ABCA13: variants seen among roughly 807,000 people sequenced by gnomAD.
ABCA13 encodes ATP binding cassette subfamily A member 13, also known as ATP-binding cassette sub-family A member 13.
A neutral mutation model predicts 478.7 loss-of-function variants in ABCA13; 476 were observed. The ratio of observed to expected loss-of-function variants is 0.99; its 90% CI spans 0.92 to 1.07. ABCA13 has a LOEUF of 1.07. Ranked by LOEUF, ABCA13 falls within the 50% of genes least tolerant of loss-of-function variation. ABCA13 has a pLI of 0.00. For missense variants in ABCA13, 6,060 were observed against 5,910.6 expected (o/e 1.03, Z -0.83); for synonymous variants, 2,252 against 2,158.9 (o/e 1.04, Z -1.20).
chr7:48,219,461 C>CA lies in ABCA13; in HGVS notation c.401dup (p.Asn134LysfsTer28). 6.2e-7 allele frequency: 1 copy of CA among 1,612,670 alleles called. No individual in the cohort carries two copies. Among genetic ancestry groups the CA allele is most frequent in the Non-Finnish European group, 8.5e-7 (1 of 1,179,476 alleles). On this transcript the variant is annotated frameshift_variant, in exon 4 of 62. Transcript: ENST00000435803. LOFTEE classifies it high-confidence loss of function. ...GAAATTCATGGAATGATGGACAAGG[C>CA]AAAAAACTTAAAAAGACTTTGGGTA...
intron 55 of ABCA13, among the ~76,000 whole-genome samples, chr7:48,551,868 C>A (rs917918500): frequency 1.3e-5 from 2 of 151,768 alleles, no homozygotes; most frequent in Non-Finnish European, 2.9e-5. Context: ...CATTTTCTCA[C>A]CAGACTCTGG....
Position 48,633,325 on chromosome 7 carries a change from G to A in ABCA13, c.14838-9963G>A, listed in dbSNP as rs147050219. ...CTTAGGCAGCCACATAATAATACTGGGGGACTTCAACACCCCACTGACAGC... is the reference window on the plus strand; with the variant it reads ...CTTAGGCAGCCACATAATAATACTGAGGGACTTCAACACCCCACTGACAGC... On this transcript the variant is annotated intron_variant, in intron 59 of 61. Coordinates refer to ENST00000435803, the MANE Select transcript of ABCA13 (RefSeq NM_152701.5). Among the ~76,000 whole-genome samples the A allele has an allele frequency of 4.5e-3, 685 of 152,060 alleles. 4 individuals are homozygous for A. Among genetic ancestry groups the A allele is most frequent in the Non-Finnish European group, 5.1e-3 (348 of 67,966 alleles).
chr7:48,622,238 A>G (rs1314850576), intron 59 of ABCA13, among the ~76,000 whole-genome samples: 4 of 152,160 alleles, frequency 2.6e-5, no homozygotes, highest in South Asian at 4.2e-4. Context: ...ACCAAAACAC[A>G]CCCTCAAAGG....
chr7:48,342,017 T>C (rs982795759), intron 29 of ABCA13, among the ~76,000 whole-genome samples: 1 of 150,808 alleles, frequency 6.6e-6, no homozygotes. Context: ...TTTGATATCT[T>C]GTATTTTCAC....
Position 48,230,720 on chromosome 7 carries a change from C to T in ABCA13, c.763+765C>T, listed in dbSNP as rs78839408. On this transcript the variant is annotated intron_variant, in intron 7 of 61. Transcript: ENST00000435803. The stretch of plus-strand genomic sequence containing the variant: ...TCGTCCATTAATCCATCCATCTATC[C>T]ATCTATTCATCCATTAATCCATCCA... 9.9e-5 allele frequency among the ~76,000 whole-genome samples: 15 copies of T among 151,922 alleles called. No individual in the cohort carries two copies. The East Asian group carries it at 2.9e-3, about 29-fold the overall frequency.
At chr7:48,268,012 T>G (rs1322668400) in intron 15 of ABCA13, among the ~76,000 whole-genome samples, 1 of 152,162 alleles carries the variant, frequency 6.6e-6, no homozygotes, top group African/African-American at 2.4e-5. Flanking sequence ...TGATAAATAC[T>G]TCCCACTCCT....
At chr7:48,438,822 T>C (rs978967577) in intron 42 of ABCA13, among the ~76,000 whole-genome samples, 2 of 151,846 alleles carry the variant, frequency 1.3e-5, no homozygotes, top group African/African-American at 4.8e-5. Context: ...ATATCCAACT[T>C]TGTTGCTAAC....
At chr7:48,395,501 T>G (rs1323175165) in intron 38 of ABCA13, among the ~76,000 whole-genome samples, 1 of 152,164 alleles carries the variant, frequency 6.6e-6, no homozygotes, top group Non-Finnish European at 1.5e-5. Context: ...TATTCAAATG[T>G]TTTCAATACA....
chr7:48,562,109 G>C (rs530784347), intron 55 of ABCA13, among the ~76,000 whole-genome samples: 4 of 137,408 alleles, frequency 2.9e-5, no homozygotes, highest in East Asian at 4.5e-4. Context: ...ATGTATGGGG[G>C]GGGAGGTGGA....
At chr7:48,191,318 A>G (rs1166383271) in intron 1 of ABCA13, among the ~76,000 whole-genome samples, 1 of 152,230 alleles carries the variant, frequency 6.6e-6, no homozygotes, top group Admixed American at 6.5e-5. Context: ...AGGTTTCAGG[A>G]CTGTGTCAGA....
At chr7:48,632,434 CT>C (rs1282434524) in intron 59 of ABCA13, among the ~76,000 whole-genome samples, 2 of 152,072 alleles carry the variant, frequency 1.3e-5, no homozygotes, top group Non-Finnish European at 2.9e-5. Context: ...CTTAATTAAT[CT>C]TTTTTTCTTT....
chr7:48,290,041 G>A (rs1798291227), intron 20 of ABCA13, among the ~76,000 whole-genome samples: 1 of 152,204 alleles, frequency 6.6e-6, no homozygotes, highest in Non-Finnish European at 1.5e-5. Context: ...TTTAAATATA[G>A]TTTTCTCAGT....
At chr7:48,544,449 G>T (rs538579536) in intron 55 of ABCA13, among the ~76,000 whole-genome samples, 3 of 151,716 alleles carry the variant, frequency 2.0e-5, no homozygotes, top group African/African-American at 7.2e-5. Flanking sequence ...AATCTCAGGG[G>T]ATGATGAGAC....
At chr7:48,331,924 C>T (rs1805468834) in intron 27 of ABCA13, among the ~76,000 whole-genome samples, 1 of 152,206 alleles carries the variant, frequency 6.6e-6, no homozygotes, top group Admixed American at 6.5e-5. Flanking sequence ...CTGACCCCTG[C>T]CAGCCACCAA....
At chr7:48,640,012 G>A (rs937594333) in intron 59 of ABCA13, among the ~76,000 whole-genome samples, 4 of 152,076 alleles carry the variant, frequency 2.6e-5, no homozygotes, top group African/African-American at 9.7e-5. Flanking sequence ...ATTATTTCTT[G>A]TCCGGATAAC....
At chr7:48,254,158 A>G (rs985337628) in intron 15 of ABCA13, among the ~76,000 whole-genome samples, 45 of 151,222 alleles carry the variant, frequency 3.0e-4, no homozygotes, top group African/African-American at 1.1e-3. Flanking sequence ...TATAGGTTTT[A>G]CTAAATATTT....
At chr7:48,295,441 A>C (rs1272652181) in intron 20 of ABCA13, among the ~76,000 whole-genome samples, 1 of 152,256 alleles carries the variant, frequency 6.6e-6, no homozygotes, top group Non-Finnish European at 1.5e-5. Context: ...GTTAAGAGCC[A>C]GGCGATTTGG....
At chr7:48,300,897 G>C (rs900788579) in intron 23 of ABCA13, among the ~76,000 whole-genome samples, 2 of 152,162 alleles carry the variant, frequency 1.3e-5, no homozygotes, top group Non-Finnish European at 2.9e-5. Flanking sequence ...ACTTCATGCT[G>C]TGTTCCTATG....
rs1031821231 is a variant in ABCA13 at position 48,394,899 on chromosome 7, G to C, written c.11873+2760G>C. Among the ~76,000 whole-genome samples, 3 of 152,198 alleles carry C rather than the reference G, an allele frequency of 2.0e-5. 1 individual carries two copies. In the South Asian group the frequency reaches 6.2e-4, roughly 32 times the overall value. On this transcript the variant is annotated intron_variant, in intron 38 of 61. Transcript: ENST00000435803. ...AATGAAGCTGAATAAGCTCTACTGG[G>C]GGGTGTGTGAAGTGGGTGCAGGGGG...
Sources: gnomAD v4.1 joint callset for allele counts (sites outside exome capture counted in the v4.1 genomes callset) on GRCh38, gnomAD v4.1.1 for gene constraint, MANE v1.5 for transcripts, NCBI Gene and HGNC (gene_info 2026-07-23, HGNC 2026-07-21) for gene names.